The following CLIP2 variants were observed in gnomAD, a reference collection of about 807,000 sequenced individuals.
CLIP2 encodes CAP-Gly domain-containing linker protein 2.
CLIP2 carries 41 observed loss-of-function variants against 111.7 expected under a neutral mutation model. The observed-to-expected ratio is 0.37, with a 90% CI of 0.29 to 0.48. CLIP2 has a LOEUF of 0.48. Ranked by LOEUF, CLIP2 falls within the 20% of genes least tolerant of loss-of-function variation. The pLI is 0.99. For missense variants in CLIP2, 1,160 were observed against 1,422.1 expected (o/e 0.82, Z 2.96); for synonymous variants, 660 against 644.2 (o/e 1.02, Z -0.37).
intron 2 of CLIP2, among the ~76,000 whole-genome samples, chr7:74,319,084 G>A (rs1788874014): frequency 6.6e-6 from 1 of 152,174 alleles, no homozygotes; most frequent in Non-Finnish European, 1.5e-5. Context: ...CTGCTCTAGG[G>A]TGGCAAATCC....
intron 1 of CLIP2, among the ~76,000 whole-genome samples, chr7:74,290,796 C>CTTCA (rs112837548): frequency 0.23 from 35,465 of 151,864 alleles, 5,491 homozygotes; most frequent in African/African-American, 0.45. Flanking sequence ...ACAATAAGCC[C>CTTCA]TTCATTCAGC....
rs782149157 is a variant in CLIP2 at position 74,376,661 on chromosome 7, G to A, written c.2260G>A (p.Glu754Lys). The A allele has an allele frequency of 3.7e-6, 6 of 1,613,452 alleles. No homozygotes were observed. The East Asian group carries it at 8.9e-5, about 24-fold the overall frequency. Reference protein sequence around the residue: ...GQAQAIEFLKEQISLAEKKML... With the variant: ...GQAQAIEFLKKQISLAEKKML... ...GGCGCAGGCTATCGAGTTCCTCAAGGAGCAGATCTCGCTGGCCGAGAAGAA... is the reference window on the plus strand; with the variant it reads ...GGCGCAGGCTATCGAGTTCCTCAAGAAGCAGATCTCGCTGGCCGAGAAGAA... Residue 754 changes from glutamate (E) to lysine (K), a missense_variant, in exon 10 of 17, where the codon GAG (glutamate) becomes AAG (lysine). This residue lies in a region of CLIP2 where 676 missense variants were observed against 777.8 expected (regional missense o/e 0.87). Coordinates refer to ENST00000223398, the MANE Select transcript of CLIP2 (RefSeq NM_003388.5). The surrounding 1 kb of genome is among the most constrained non-coding windows in gnomAD (Gnocchi z 7.1).
chr7:74,384,932 A>G (rs1329018697), intron 11 of CLIP2, among the ~76,000 whole-genome samples: 1 of 151,588 alleles, frequency 6.6e-6, no homozygotes, highest in Non-Finnish European at 1.5e-5. Context: ...ACTTGAGCCT[A>G]GGAGTTCAAC....
intron 9 of CLIP2, among the ~76,000 whole-genome samples, chr7:74,375,306 T>G (rs1790741829): frequency 6.6e-6 from 1 of 151,606 alleles, no homozygotes; most frequent in African/African-American, 2.4e-5. Flanking sequence ...CCCAACACTT[T>G]GGGACGCCAG....
chr7:74,403,660 AC>A (rs781416832), intron 16 of CLIP2, among the ~76,000 whole-genome samples, 176 bp from the exon 17 acceptor site: 3 of 152,106 alleles, frequency 2.0e-5, no homozygotes, highest in Non-Finnish European at 4.4e-5. Flanking sequence ...GCTGTCTCAC[AC>A]AGCCACAAAC....
At chr7:74,337,689 G>A (rs552062543) in intron 2 of CLIP2, among the ~76,000 whole-genome samples, 2 of 151,662 alleles carry the variant, frequency 1.3e-5, no homozygotes, top group East Asian at 1.9e-4. Context: ...TCCACCTCTC[G>A]AGTTCAAGTG....
intron 4 of CLIP2, 70 bp from the exon 5 acceptor site, chr7:74,356,340 A>C (rs1790142380): frequency 6.3e-6 from 8 of 1,272,520 alleles, no homozygotes; most frequent in Non-Finnish European, 9.2e-6. Flanking sequence ...CTGAAGAGGC[A>C]GAGGAGGCAG....
chr7:74,400,305 G>A (rs1791582473), intron 14 of CLIP2, 65 bp from the exon 15 acceptor site: 4 of 1,401,820 alleles, frequency 2.9e-6, no homozygotes, highest in East Asian at 4.8e-5. Flanking sequence ...CCTGCCTAGA[G>A]TTGAGACGCC....
At chr7:74,343,798 G>C (rs909409903) in intron 3 of CLIP2, among the ~76,000 whole-genome samples, 8 of 152,064 alleles carry the variant, frequency 5.3e-5, no homozygotes, top group African/African-American at 1.9e-4. Context: ...AGCTACTGGG[G>C]AGACTGAGGT....
At chr7:74,403,259 C>T (rs1791672249) in intron 16 of CLIP2, among the ~76,000 whole-genome samples, 1 of 150,168 alleles carries the variant, frequency 6.7e-6, no homozygotes, top group Admixed American at 6.7e-5. Context: ...CCCGTACAGG[C>T]ACTGAGGGCT....
At chr7:74,296,031 A>AGT in intron 1 of CLIP2, among the ~76,000 whole-genome samples, 1 of 151,938 alleles carries the variant, frequency 6.6e-6, no homozygotes, top group Middle Eastern at 3.4e-3. Flanking sequence ...GAGATAATCA[A>AGT]GTTCAAATGA....
intron 1 of CLIP2, among the ~76,000 whole-genome samples, chr7:74,303,622 G>C (rs1467842912): frequency 9.6e-5 from 14 of 146,524 alleles, no homozygotes. Context: ...TTTAGAAATA[G>C]GGTCTTAGGT....
intron 13 of CLIP2, among the ~76,000 whole-genome samples, chr7:74,390,394 G>T (rs1791263936): frequency 1.3e-5 from 2 of 152,128 alleles, no homozygotes; most frequent in Admixed American, 1.3e-4. Flanking sequence ...GCCAGGCCAG[G>T]CGTGGTGGCT....
At chr7:74,384,059 T>G (rs966267907) in intron 11 of CLIP2, among the ~76,000 whole-genome samples, 6 of 152,048 alleles carry the variant, frequency 3.9e-5, no homozygotes, top group South Asian at 2.1e-4. Flanking sequence ...CGTGGTGGTG[T>G]GCGCCTGGAA....
At chr7:74,395,753 A>G (rs1203102584) in intron 13 of CLIP2, among the ~76,000 whole-genome samples, 3 of 152,176 alleles carry the variant, frequency 2.0e-5, no homozygotes, top group African/African-American at 7.2e-5. Flanking sequence ...TCAGCTAGGA[A>G]TGCTTTGGTG....
intron 1 of CLIP2, among the ~76,000 whole-genome samples, chr7:74,302,032 G>A (rs1584306246): frequency 6.6e-6 from 1 of 151,926 alleles, no homozygotes; most frequent in South Asian, 2.1e-4. Context: ...CATTCTAATG[G>A]TAATGGATGT....
At chr7:74,344,202 G>T (rs1052714727) in intron 3 of CLIP2, among the ~76,000 whole-genome samples, 7 of 152,310 alleles carry the variant, frequency 4.6e-5, no homozygotes, top group Middle Eastern at 3.4e-3. Context: ...CAAGAGAAGG[G>T]CATGAGGTGG....
intron 9 of CLIP2, among the ~76,000 whole-genome samples, chr7:74,375,041 T>G (rs1562717719): frequency 6.6e-6 from 1 of 152,118 alleles, no homozygotes; most frequent in Non-Finnish European, 1.5e-5. Flanking sequence ...GCCTCTGTTC[T>G]TTAAAAAGAA....
intron 2 of CLIP2, among the ~76,000 whole-genome samples, chr7:74,318,766 A>G (rs1554729564): frequency 6.6e-6 from 1 of 152,196 alleles, no homozygotes; most frequent in Non-Finnish European, 1.5e-5. Flanking sequence ...TGATGCTGTG[A>G]TGAACATCTT....
Sources: allele counts gnomAD v4.1 joint callset (sites outside exome capture counted in the v4.1 genomes callset), GRCh38; gene constraint gnomAD v4.1.1; regional missense constraint gnomAD v4.1.1; non-coding constraint Gnocchi (gnomAD v3.1); transcripts MANE v1.5; gene names NCBI Gene and HGNC (gene_info 2026-07-23, HGNC 2026-07-21).